Variants in RIN2 observed in about 807,000 individuals in gnomAD.
The protein encoded by RIN2 is Ras and Rab interactor 2.
Under a neutral mutation model 78.0 loss-of-function variants are expected in RIN2, and 36 were observed. The ratio of observed to expected loss-of-function variants is 0.46; its 90% confidence interval spans 0.35 to 0.61. The LOEUF is 0.61. Ranked by LOEUF, RIN2 falls within the 20% of genes least tolerant of loss-of-function variation. RIN2 has a pLI of 0.00. For synonymous variants in RIN2, 466 were observed against 466.8 expected, an observed-to-expected ratio of 1.00 and a Z score of 0.02; for missense variants, 1,087 against 1,159.7, an observed-to-expected ratio of 0.94 and a Z score of 0.91.
intron 3 of RIN2, among the ~76,000 whole-genome samples, chr20:19,900,718 A>G (rs961667744): frequency 6.6e-6 from 1 of 151,990 alleles, no homozygotes; most frequent in Non-Finnish European, 1.5e-5. Flanking sequence ...TGGGAGTCCA[A>G]GGTGGGCAGA....
chr20:19,859,699 G>A (rs1321938763), intron 2 of RIN2, among the ~76,000 whole-genome samples: 1 of 152,152 alleles, frequency 6.6e-6, no homozygotes, highest in Non-Finnish European at 1.5e-5. Context: ...CAGATCCATT[G>A]ATATACCTGC....
At chr20:19,827,785 T>G (rs1037111029) in intron 2 of RIN2, among the ~76,000 whole-genome samples, 6 of 150,928 alleles carry the variant, frequency 4.0e-5, no homozygotes, top group Non-Finnish European at 2.9e-5. Context: ...GTCAAGGACT[T>G]TAGTAGGTTT....
At chr20:19,788,439 A>AAAAAAAAAAACAAAAAAAAAAAC (rs980089934) in intron 1 of RIN2, among the ~76,000 whole-genome samples, 4 of 133,032 alleles carry the variant, frequency 3.0e-5, no homozygotes, top group Admixed American at 7.4e-5. Flanking sequence ...TGCCAAAAAA[A>AAAAAAAAAAACAAAAAAAAAAAC]AAAAAAAAAA....
chr20:19,801,611 G>A (rs550891315), intron 2 of RIN2, among the ~76,000 whole-genome samples: 37 of 152,236 alleles, frequency 2.4e-4, no homozygotes, highest in Admixed American at 2.1e-3. Flanking sequence ...GTGAGCCACC[G>A]CGCCCGGCAT....
chr20:19,856,010 G>A (rs1600632259), intron 2 of RIN2, among the ~76,000 whole-genome samples: 1 of 152,212 alleles, frequency 6.6e-6, no homozygotes, highest in East Asian at 1.9e-4. Flanking sequence ...AGAGGCGGAG[G>A]TTGCAGTGAG....
At chr20:19,768,211 C>T (rs1315109817) in intron 1 of RIN2, among the ~76,000 whole-genome samples, 2 of 152,200 alleles carry the variant, frequency 1.3e-5, no homozygotes, top group African/African-American at 4.8e-5. Flanking sequence ...GAGGGAAGGT[C>T]TCAGACCAGG....
At chr20:19,895,194 T>C (rs920184870) in intron 3 of RIN2, among the ~76,000 whole-genome samples, 5 of 152,188 alleles carry the variant, frequency 3.3e-5, no homozygotes. Flanking sequence ...AGAAATGTTA[T>C]GTATGAAGGC....
At chr20:19,776,498 G>A (rs2034314975) in intron 1 of RIN2, among the ~76,000 whole-genome samples, 1 of 152,152 alleles carries the variant, frequency 6.6e-6, no homozygotes, top group Non-Finnish European at 1.5e-5. Context: ...TTGGGAGGCT[G>A]AGGCAGATGG....
At chr20:19,879,102 T>A (rs1468976659) in intron 2 of RIN2, among the ~76,000 whole-genome samples, 1 of 152,226 alleles carries the variant, frequency 6.6e-6, no homozygotes, top group Non-Finnish European at 1.5e-5. Flanking sequence ...AATAGGAAAC[T>A]GGATTTGTGA....
At position 19,974,928 on chromosome 20, in the gene RIN2, G is replaced by A. The variant is rs756921810; in HGVS notation, c.903G>A (p.Thr301=). 9 of 1,613,610 alleles carry A rather than the reference G, an allele frequency of 5.6e-6. No homozygotes were observed. The highest frequency in any genetic ancestry group is 1.7e-5 in the Admixed American group (1 of 59,992). Residue 301 remains threonine, a synonymous_variant, in exon 9 of 13, where the codon ACG becomes ACA. Transcript: ENST00000255006. Reference sequence around the variant, plus strand: ...CAAGGACTCCCAACGCGAATGGCACGGAGCGGACTCGGTCCCCCCCACCCA... The same window carrying A: ...CAAGGACTCCCAACGCGAATGGCACAGAGCGGACTCGGTCCCCCCCACCCA... ...PSTRTPNANG[T]ERTRSPPPRP... is the part of the protein sequence containing the mutation.
chr20:19,841,194 C>T (rs1322959170), intron 2 of RIN2, among the ~76,000 whole-genome samples: 1 of 152,010 alleles, frequency 6.6e-6, no homozygotes, highest in Non-Finnish European at 1.5e-5. Context: ...GTGTTCCTTC[C>T]ACCCCAGCCT....
chr20:19,960,856 G>A, intron 6 of RIN2, 45 bp downstream of exon 6: 1 of 1,191,204 alleles, frequency 8.4e-7, no homozygotes, highest in Non-Finnish European at 1.2e-6. Flanking sequence ...CAGGGCCACG[G>A]GGCTCTGCAG....
At position 19,916,133 on chromosome 20, in the gene RIN2, G is replaced by T. The variant is rs146484942; in HGVS notation, c.58-18966G>T. On this transcript the variant is annotated intron_variant, in intron 3 of 12. Coordinates refer to ENST00000255006, the MANE Select transcript of RIN2 (RefSeq NM_018993.4). ...CACGCGCCTGTAGTCCCAGCTACTC[G>T]GGAGGCTGAGGCAGGAGAATCGCTT... 1.9e-4 allele frequency among the ~76,000 whole-genome samples: 29 copies of T among 151,680 alleles called. No homozygotes were observed. The East Asian group carries it at 5.4e-3, about 28-fold the overall frequency.
At chr20:19,764,786 C>T (rs1319774699) in intron 1 of RIN2, among the ~76,000 whole-genome samples, 1 of 151,960 alleles carries the variant, frequency 6.6e-6, no homozygotes, top group Non-Finnish European at 1.5e-5. Context: ...AGAGTAGGAA[C>T]AAAAGTTTAT....
rs372483358 is a variant in RIN2 at position 19,813,357 on chromosome 20, A to T, written c.-37+13610A>T. Reference sequence around the variant, plus strand: ...CTTTAGGTCAGTTGGCTTGTACTTCATGGCTTCTTTCAATTCTTCAAATAT... The same window carrying T: ...CTTTAGGTCAGTTGGCTTGTACTTCTTGGCTTCTTTCAATTCTTCAAATAT... On this transcript the variant is annotated intron_variant, in intron 2 of 12. Transcript: ENST00000255006. Among the ~76,000 whole-genome samples, 5 of 152,356 alleles carry T rather than the reference A, an allele frequency of 3.3e-5. 1 individual carries two copies. The highest frequency in any genetic ancestry group is 6.5e-5 in the Admixed American group (1 of 15,308).
chr20:19,987,779 T>A (rs374095619), intron 9 of RIN2, among the ~76,000 whole-genome samples: 73 of 152,344 alleles, frequency 4.8e-4, no homozygotes, highest in African/African-American at 1.6e-3. Context: ...ATGCCAGATG[T>A]GAATAAGTTG....
intron 4 of RIN2, chr20:19,935,715 G>GCTGTGCTGTTGAAGGC (rs2040612222): frequency 3.0e-6 from 2 of 663,854 alleles, no homozygotes; most frequent in South Asian, 1.3e-4. Context: ...AAGGCGGCGT[G>GCTGTGCTGTTGAAGGC]CTGTGCTGTT....
At chr20:19,987,659 G>T (rs2146373560) in intron 9 of RIN2, among the ~76,000 whole-genome samples, 1 of 152,232 alleles carries the variant, frequency 6.6e-6, no homozygotes, top group South Asian at 2.1e-4. Flanking sequence ...ATTAATTTCT[G>T]TTATTAATTT....
At chr20:19,928,988 G>C (rs1379158534) in intron 3 of RIN2, among the ~76,000 whole-genome samples, 1 of 152,194 alleles carries the variant, frequency 6.6e-6, no homozygotes, top group Non-Finnish European at 1.5e-5. Flanking sequence ...CCCTTGGGTT[G>C]GGGTCTTTGT....
Sources: allele counts gnomAD v4.1 joint callset (sites outside exome capture counted in the v4.1 genomes callset), GRCh38; gene constraint gnomAD v4.1.1; transcripts MANE v1.5; gene names NCBI Gene and HGNC (gene_info 2026-07-23, HGNC 2026-07-21).